Variants in DPYD observed in about 807,000 individuals in gnomAD.
DPYD encodes dihydropyrimidine dehydrogenase [NADP(+)].
DPYD carries 109 observed loss-of-function variants against 116.2 expected under a neutral mutation model. The observed-to-expected ratio is 0.94, with a 90% CI of 0.80 to 1.10. DPYD has a LOEUF of 1.10. DPYD is among the 50% of genes least tolerant of loss of function. The probability of loss-of-function intolerance (pLI) is 0.00; values close to 1 mark genes in which losing one functional copy is unlikely to be tolerated. For synonymous variants in DPYD, 440 were observed against 432.0 expected (o/e 1.02, Z -0.23); for missense variants, 1,302 against 1,254.5 (o/e 1.04, Z -0.57).
At chr1:97,634,159 A>C (rs1657428583) in intron 8 of DPYD, among the ~76,000 whole-genome samples, 1 of 152,136 alleles carries the variant, frequency 6.6e-6, no homozygotes, top group African/African-American at 2.4e-5. Flanking sequence ...CTAAACCACT[A>C]AATAGGAAGG....
intron 16 of DPYD, among the ~76,000 whole-genome samples, chr1:97,345,982 T>G (rs1669820659): frequency 6.6e-6 from 1 of 151,936 alleles, no homozygotes; most frequent in Non-Finnish European, 1.5e-5. Flanking sequence ...TGCAAAAGAA[T>G]ATTTATAATA....
intron 3 of DPYD, among the ~76,000 whole-genome samples, chr1:97,801,011 C>T (rs577948306): frequency 6.6e-6 from 1 of 151,950 alleles, no homozygotes; most frequent in Non-Finnish European, 1.5e-5. Flanking sequence ...TGCATTCATC[C>T]ATCCATTCAT....
chr1:97,861,584 A>G (rs190265068), intron 2 of DPYD, among the ~76,000 whole-genome samples: 38 of 152,062 alleles, frequency 2.5e-4, no homozygotes, highest in Non-Finnish European at 5.0e-4. Context: ...AAAAGACAAT[A>G]TAACAACAAA....
chr1:97,099,432 T>C (rs1357038207), intron 20 of DPYD, among the ~76,000 whole-genome samples: 2 of 152,050 alleles, frequency 1.3e-5, no homozygotes. Context: ...GGTTTCAAGT[T>C]AACACGAAAA....
At chr1:97,277,070 T>C (rs1278943684) in intron 18 of DPYD, among the ~76,000 whole-genome samples, 1 of 152,060 alleles carries the variant, frequency 6.6e-6, no homozygotes, top group Non-Finnish European at 1.5e-5. Context: ...CCTGGATGCA[T>C]CTGGAGGCCA....
At chr1:97,526,588 T>C (rs959673764) in intron 12 of DPYD, among the ~76,000 whole-genome samples, 1 of 152,194 alleles carries the variant, frequency 6.6e-6, no homozygotes, top group African/African-American at 2.4e-5. Context: ...TAACATGAGT[T>C]CTTTTCCTAG....
intron 20 of DPYD, among the ~76,000 whole-genome samples, chr1:97,136,184 G>C (rs982072522): frequency 6.6e-6 from 1 of 152,090 alleles, no homozygotes; most frequent in South Asian, 2.1e-4. Context: ...AATTTTAAAG[G>C]TTGGAAATCC....
At chr1:97,179,043 G>A (rs1332793708) in intron 20 of DPYD, among the ~76,000 whole-genome samples, 1 of 152,148 alleles carries the variant, frequency 6.6e-6, no homozygotes, top group Admixed American at 6.6e-5. Flanking sequence ...ATTGACTAAA[G>A]TAAGTCGCTC....
At chr1:97,834,327 C>G (rs991088535) in intron 2 of DPYD, among the ~76,000 whole-genome samples, 2 of 151,590 alleles carry the variant, frequency 1.3e-5, no homozygotes, top group Non-Finnish European at 2.9e-5. Context: ...AGATAGTATG[C>G]TAATCATTGA....
At chr1:97,536,105 A>C (rs935381796) in intron 12 of DPYD, among the ~76,000 whole-genome samples, 2 of 152,232 alleles carry the variant, frequency 1.3e-5, no homozygotes, top group Non-Finnish European at 2.9e-5. Context: ...AGGTGAGATC[A>C]CATACATTTC....
intron 18 of DPYD, among the ~76,000 whole-genome samples, chr1:97,268,788 A>T (rs10157665): frequency 0.18 from 26,950 of 152,048 alleles, 3,044 homozygotes; most frequent in Non-Finnish European, 0.26. Flanking sequence ...AGATCTCAGA[A>T]ATGCCTCCAT....
At chr1:97,579,126 T>C (rs1653465857) in intron 10 of DPYD, among the ~76,000 whole-genome samples, 2 of 152,138 alleles carry the variant, frequency 1.3e-5, no homozygotes, top group Non-Finnish European at 2.9e-5. Flanking sequence ...AACATTAAGA[T>C]AGACACCCAG....
chr1:97,660,698 T>C (rs1249483752), intron 8 of DPYD, among the ~76,000 whole-genome samples: 1 of 152,110 alleles, frequency 6.6e-6, no homozygotes, highest in African/African-American at 2.4e-5. Context: ...AAAACCTTAC[T>C]ACTTCACTAA....
intron 20 of DPYD, among the ~76,000 whole-genome samples, chr1:97,151,492 G>A (rs1475755534): frequency 2.0e-5 from 3 of 152,076 alleles, no homozygotes; most frequent in African/African-American, 7.2e-5. Context: ...TGGTCAACAT[G>A]GTGAAATCCC....
chr1:97,902,712 A>T (rs1030298771), intron 1 of DPYD, among the ~76,000 whole-genome samples: 11 of 151,870 alleles, frequency 7.2e-5, no homozygotes, highest in African/African-American at 2.4e-4. Flanking sequence ...AATTTCATCA[A>T]ATTAGTAACA....
intron 8 of DPYD, among the ~76,000 whole-genome samples, chr1:97,602,419 T>C (rs185256422): frequency 7.9e-5 from 12 of 152,064 alleles, no homozygotes; most frequent in Admixed American, 1.3e-4. Flanking sequence ...ATATTCTTTA[T>C]AACAAAGCAA....
At chr1:97,272,368 C>T (rs1223983591) in intron 18 of DPYD, among the ~76,000 whole-genome samples, 1 of 152,050 alleles carries the variant, frequency 6.6e-6, no homozygotes, top group African/African-American at 2.4e-5. Context: ...GATCATCAAC[C>T]TCTCCTAAAC....
chr1:97,540,322 G>T (rs1650332683), intron 12 of DPYD, among the ~76,000 whole-genome samples: 1 of 130,966 alleles, frequency 7.6e-6, no homozygotes, highest in Admixed American at 7.7e-5. Context: ...CAGAACCCGG[G>T]GTGGGGGGTG....
intron 20 of DPYD, among the ~76,000 whole-genome samples, chr1:97,133,971 C>G (rs1653528652): frequency 7.9e-6 from 1 of 126,458 alleles, no homozygotes; most frequent in African/African-American, 3.1e-5. Flanking sequence ...TGTACTCCAG[C>G]CTGGGTCACA....
Sources: gnomAD v4.1 joint callset for allele counts (sites outside exome capture counted in the v4.1 genomes callset) on GRCh38, gnomAD v4.1.1 for gene constraint, MANE v1.5 for transcripts, NCBI Gene and HGNC (gene_info 2026-07-23, HGNC 2026-07-21) for gene names.